Variants in COQ3 observed in about 807,000 individuals in gnomAD.
The protein encoded by COQ3 is coenzyme Q3, methyltransferase.
A neutral mutation model predicts 33.1 loss-of-function variants in COQ3; 29 were observed. The observed-to-expected ratio is 0.88, with a 90% CI of 0.65 to 1.19. The LOEUF (loss-of-function observed/expected upper bound fraction) is 1.19. Ranked by LOEUF, COQ3 falls within the 50% of genes most tolerant of loss-of-function variation. The pLI, the probability that COQ3 is intolerant of heterozygous loss-of-function variation, is 0.00. For missense variants in COQ3, 437 were observed against 430.7 expected (o/e 1.01, Z -0.13); for synonymous variants, 173 against 157.8 (o/e 1.10, Z -0.72).
chr6:99,377,455 G>T lies in COQ3; in HGVS notation c.417C>A (p.His139Gln). The change falls in exon 4 of 7, where the codon CAC (histidine) becomes CAA (glutamine). Residue 139 changes from histidine to glutamine, a missense_variant. Coordinates refer to ENST00000254759, the MANE Select transcript of COQ3 (RefSeq NM_017421.4). ...RDNLLKTIPNHQPGKPLLGMK... is the reference protein window; with the variant it reads ...RDNLLKTIPNQQPGKPLLGMK... ...TCCCCAACAAAGGTTTTCCTGGCTGGTGATTAGGAATTGTTTTCAGAAGAT... is the reference window on the plus strand; with the variant it reads ...TCCCCAACAAAGGTTTTCCTGGCTGTTGATTAGGAATTGTTTTCAGAAGAT... 6.2e-7 allele frequency: 1 copy of T among 1,612,594 alleles called. No homozygotes were observed. Among genetic ancestry groups the T allele is most frequent in the Non-Finnish European group, 8.5e-7 (1 of 1,179,306 alleles).
At position 99,376,079 on chromosome 6, in the gene COQ3, C is replaced by A. The variant is rs771820402; in HGVS notation, c.590G>T (p.Arg197Ile). 28 of 1,614,098 alleles carry A rather than the reference C, an allele frequency of 1.7e-5. No homozygotes were observed. The highest frequency in any genetic ancestry group is 2.4e-5 in the Non-Finnish European group (28 of 1,179,970). Residue 197 changes from arginine (R) to isoleucine (I), a missense_variant, in exon 5 of 7, where the codon AGA (arginine) becomes ATA (isoleucine). Arg to Ile is a moderately conservative substitution (Grantham distance 97, BLOSUM62 -3). Coordinates refer to ENST00000254759, the MANE Select transcript of COQ3 (RefSeq NM_017421.4). ...CAGGGAACACACTCTGTACTCTATT[C>A]TCTTATCCAGGACTGGATCAAATGA... is the stretch of plus-strand genomic sequence containing the variant. ...HKSFDPVLDK[R>I]IEYRVCSLEE...
intron 1 of COQ3, among the ~76,000 whole-genome samples, chr6:99,389,407 G>A (rs1313168032): frequency 1.3e-5 from 2 of 152,284 alleles, no homozygotes; most frequent in East Asian, 3.9e-4. Context: ...ATACAGACGT[G>A]AGCCACCGCA....
chr6:99,375,277 T>C (rs1237127654), intron 5 of COQ3, among the ~76,000 whole-genome samples: 1 of 151,878 alleles, frequency 6.6e-6, no homozygotes, highest in East Asian at 1.9e-4. Flanking sequence ...CTCAAATCAA[T>C]GTCTTATAAT....
intron 1 of COQ3, among the ~76,000 whole-genome samples, chr6:99,391,793 G>C (rs1176604066): frequency 6.6e-6 from 1 of 152,142 alleles, no homozygotes; most frequent in East Asian, 1.9e-4. Flanking sequence ...GAGCCCAGGA[G>C]TTCAAGACCA....
chr6:99,380,442 T>A, intron 2 of COQ3, 101 bp from the exon 3 acceptor site: 1 of 1,297,898 alleles, frequency 7.7e-7, no homozygotes, highest in Non-Finnish European at 1.1e-6. Context: ...CAATTTATTA[T>A]ATTCTAAATC....
intron 1 of COQ3, among the ~76,000 whole-genome samples, chr6:99,387,153 A>G (rs1023766506): frequency 3.3e-5 from 5 of 152,226 alleles, no homozygotes; most frequent in Non-Finnish European, 7.3e-5. Context: ...TATTAACAAT[A>G]AAAAAGAGAA....
In COQ3 at chr6:99,384,766, T is replaced by C. The variant is rs549173862; in HGVS notation, c.107-942A>G. Among the ~76,000 whole-genome samples the C allele has an allele frequency of 1.1e-3, 171 of 152,050 alleles. 1 individual carries two copies. Among genetic ancestry groups the C allele is most frequent in the African/African-American group, 3.9e-3 (162 of 41,470 alleles). Reference sequence around the variant, plus strand: ...AAAGTACCAGAAACAAAGAGGGGCATTACATCACAATAAAAGGGATAATCC... The same window carrying C: ...AAAGTACCAGAAACAAAGAGGGGCACTACATCACAATAAAAGGGATAATCC... On this transcript the variant is annotated intron_variant, in intron 1 of 6. Coordinates refer to ENST00000254759, the MANE Select transcript of COQ3 (RefSeq NM_017421.4).
Position 99,371,457 on chromosome 6 carries a change from G to T in COQ3, c.860C>A (p.Pro287His). The T allele has an allele frequency of 6.3e-7, 1 of 1,597,892 alleles. No individual in the cohort carries two copies. The highest frequency in any genetic ancestry group is 1.8e-5 in the Admixed American group (1 of 55,482). ...GTHTWEKFVS[P>H]ETLESILESN... The stretch of plus-strand genomic sequence containing the variant: ...TTCCAGAATGCTCTCTAGTGTTTCA[G>T]GTGAAACAAACTTCTCCCATGTATG... The change falls in exon 6 of 7, where the codon CCT (proline) becomes CAT (histidine). Residue 287 changes from proline (P) to histidine (H), a missense_variant. Physicochemically the swap from Pro to His is moderately conservative, Grantham distance 77. Coordinates refer to ENST00000254759, the MANE Select transcript of COQ3 (RefSeq NM_017421.4).
At chr6:99,379,855 CAA>C (rs397947579) in intron 3 of COQ3, among the ~76,000 whole-genome samples, 1 of 138,222 alleles carries the variant, frequency 7.2e-6, no homozygotes, top group Non-Finnish European at 1.6e-5. Flanking sequence ...GACTCCATCT[CAA>C]AAAAAAAAAT....
chr6:99,384,477 G>A (rs559612988), intron 1 of COQ3, among the ~76,000 whole-genome samples: 3 of 152,148 alleles, frequency 2.0e-5, no homozygotes, highest in South Asian at 2.1e-4. Context: ...TTTAAACTAG[G>A]ATAATATTAA....
At chr6:99,387,519 A>C (rs955072895) in intron 1 of COQ3, among the ~76,000 whole-genome samples, 2 of 152,246 alleles carry the variant, frequency 1.3e-5, no homozygotes, top group Non-Finnish European at 2.9e-5. Context: ...TGATTGATAC[A>C]GACAAAGCAT....
At chr6:99,381,391 C>T (rs1774468674) in intron 2 of COQ3, among the ~76,000 whole-genome samples, 1 of 152,140 alleles carries the variant, frequency 6.6e-6, no homozygotes, top group Admixed American at 6.5e-5. Context: ...TTATTTAGTT[C>T]CCAGTTTTCT....
intron 1 of COQ3, among the ~76,000 whole-genome samples, chr6:99,389,553 C>A (rs1166523908): frequency 6.6e-6 from 1 of 152,136 alleles, no homozygotes; most frequent in Non-Finnish European, 1.5e-5. Flanking sequence ...TATCTAGTTT[C>A]TCTCCCTATA....
chr6:99,381,502 C>T (rs1774471397), intron 2 of COQ3, among the ~76,000 whole-genome samples: 1 of 152,168 alleles, frequency 6.6e-6, no homozygotes. Context: ...GCTCTTTCCT[C>T]AGGCACTTCA....
intron 5 of COQ3, among the ~76,000 whole-genome samples, chr6:99,372,065 G>C (rs1212651481): frequency 1.3e-5 from 2 of 152,112 alleles, no homozygotes; most frequent in Non-Finnish European, 2.9e-5. Context: ...AAACATTAAT[G>C]ATTAGGTTTG....
At position 99,375,934 on chromosome 6, in the gene COQ3, C is replaced by A. The variant is rs758483987; in HGVS notation, c.729+6G>T. On this transcript the variant is annotated splice_donor_region_variant and intron_variant, in intron 5 of 6. Transcript: ENST00000254759. ...GAAACCAAGATGTAAACTCCATAAG[C>A]CTTACTTTTAACACTTGACAGCAGC... is the stretch of plus-strand genomic sequence containing the variant. The A allele has an allele frequency of 6.2e-7, 1 of 1,613,732 alleles. No homozygotes were observed. Among genetic ancestry groups the A allele is most frequent in the Middle Eastern group, 1.6e-4 (1 of 6,062 alleles).
chr6:99,380,288 T>C lies in COQ3; in HGVS notation c.287A>G (p.Glu96Gly), dbSNP rs140743578. 2.5e-5 allele frequency: 40 copies of C among 1,613,966 alleles called. No homozygotes were observed. The highest frequency in any genetic ancestry group is 3.2e-5 in the Non-Finnish European group (38 of 1,179,980). Residue 96 changes from glutamate to glycine, a missense_variant, in exon 3 of 7, where the codon GAG becomes GGG. By Grantham distance (98) the Glu-to-Gly change is moderately conservative. Coordinates refer to ENST00000254759, the MANE Select transcript of COQ3 (RefSeq NM_017421.4). ...STSQTTVDSG[E>G]VKTFLALAHK... Reference sequence around the variant, plus strand: ...AGCCAGGGCCAAGAAGGTTTTTACCTCACCGCTGTCGACAGTGGTTTGGGA... The same window carrying C: ...AGCCAGGGCCAAGAAGGTTTTTACCCCACCGCTGTCGACAGTGGTTTGGGA...
chr6:99,375,836 C>A, intron 5 of COQ3, 104 bp downstream of exon 5: 2 of 1,251,134 alleles, frequency 1.6e-6, no homozygotes, highest in Non-Finnish European at 2.3e-6. Flanking sequence ...TCTACTATAC[C>A]TTGCCTGCTG....
intron 1 of COQ3, among the ~76,000 whole-genome samples, chr6:99,388,912 CA>C (rs1160489092): frequency 2.8e-3 from 419 of 149,900 alleles, no homozygotes; most frequent in Non-Finnish European, 3.4e-3. Context: ...CACACACACA[CA>C]CACACACACA....
Sources: allele counts gnomAD v4.1 joint callset (sites outside exome capture counted in the v4.1 genomes callset), GRCh38; gene constraint gnomAD v4.1.1; transcripts MANE v1.5; gene names NCBI Gene and HGNC (gene_info 2026-07-23, HGNC 2026-07-21).